SPECC1: variants seen among roughly 807,000 people sequenced by gnomAD.
SPECC1 encodes cytospin-B.
In SPECC1, 62 loss-of-function variants were observed where a neutral mutation model predicts 104.1. The observed-to-expected ratio is 0.60, with a 90% confidence interval of 0.49 to 0.74. SPECC1 has a LOEUF of 0.74. SPECC1 is among the 30% of genes least tolerant of loss of function. SPECC1 has a pLI of 0.00. For missense variants in SPECC1, 1,306 were observed against 1,310.5 expected (o/e 1.00, Z 0.05); for synonymous variants, 513 against 501.6 (o/e 1.02, Z -0.30).
chr17:20,263,314 A>G (rs2040095421), intron 12 of SPECC1, among the ~76,000 whole-genome samples: 1 of 147,390 alleles, frequency 6.8e-6, no homozygotes, highest in Non-Finnish European at 1.5e-5. Context: ...ATGGCAGTTG[A>G]ACAATGTGAA....
intron 1 of SPECC1, among the ~76,000 whole-genome samples, chr17:20,019,860 G>T (rs1261210273): frequency 5.2e-5 from 2 of 38,146 alleles, no homozygotes; most frequent in Non-Finnish European, 1.2e-4. Context: ...TTCATCACTG[G>T]CTTCTTTGTC....
At chr17:20,246,660 G>A (rs576311012) in intron 8 of SPECC1, among the ~76,000 whole-genome samples, 6 of 152,130 alleles carry the variant, frequency 3.9e-5, no homozygotes, top group Admixed American at 2.0e-4. Context: ...AGAAAGATGC[G>A]TAGCTATACT....
intron 3 of SPECC1, among the ~76,000 whole-genome samples, chr17:20,182,574 T>A (rs2034984011): frequency 6.6e-6 from 1 of 152,188 alleles, no homozygotes; most frequent in Non-Finnish European, 1.5e-5. Flanking sequence ...TATATAACAA[T>A]GCAATAATTG....
chr17:20,028,887 C>T (rs1408410666), intron 1 of SPECC1, among the ~76,000 whole-genome samples: 1 of 152,000 alleles, frequency 6.6e-6, no homozygotes, highest in Admixed American at 6.6e-5. Context: ...CTCAGCTTCC[C>T]GAGTAGCTGG....
At chr17:20,260,435 A>G (rs576479096) in intron 12 of SPECC1, 141 bp downstream of exon 12, 2 of 702,074 alleles carry the variant, frequency 2.8e-6, no homozygotes, top group South Asian at 2.4e-5. Context: ...CAGGGCTGCC[A>G]GGGAATGTTT....
At chr17:20,250,692 C>T (rs759512279) in intron 9 of SPECC1, among the ~76,000 whole-genome samples, 3 of 152,204 alleles carry the variant, frequency 2.0e-5, no homozygotes, top group Non-Finnish European at 2.9e-5. Flanking sequence ...TACGTAAATT[C>T]AGAGACTAGG....
chr17:20,088,304 A>G (rs1375372451), intron 1 of SPECC1, among the ~76,000 whole-genome samples: 2 of 152,166 alleles, frequency 1.3e-5, no homozygotes, highest in Admixed American at 1.3e-4. Context: ...ACCATTTTTA[A>G]GTGGACAGTT....
chr17:20,252,945 C>G (rs2039686538), intron 9 of SPECC1, among the ~76,000 whole-genome samples: 1 of 152,104 alleles, frequency 6.6e-6, no homozygotes, highest in African/African-American at 2.4e-5. Context: ...AACCTCCATA[C>G]TGTTCTGCGT....
At chr17:20,281,974 C>T (rs1356208072) in intron 12 of SPECC1, among the ~76,000 whole-genome samples, 1 of 152,232 alleles carries the variant, frequency 6.6e-6, no homozygotes, top group African/African-American at 2.4e-5. Flanking sequence ...CGCGGGGCTT[C>T]GCCTGCGTTC....
Position 20,016,344 on chromosome 17 carries a change from C to T in SPECC1, c.-22+6920C>T, listed in dbSNP as rs148129968. ...TCGCTCGCTCTCGGTGCCTCCTCAG[C>T]CTTAGTGCCCACTCTGGCCGCGCTT... On this transcript the variant is annotated intron_variant, in intron 1 of 14. Transcript: ENST00000395527. Among the ~76,000 whole-genome samples, 991 of 152,340 alleles carry T rather than the reference C, an allele frequency of 6.5e-3. 11 individuals carry two copies. Among genetic ancestry groups the T allele is most frequent in the African/African-American group, 0.023 (943 of 41,588 alleles).
intron 3 of SPECC1, among the ~76,000 whole-genome samples, chr17:20,150,897 A>G (rs1305782980): frequency 6.6e-6 from 1 of 152,186 alleles, no homozygotes; most frequent in Non-Finnish European, 1.5e-5. Context: ...ATTTCTACAC[A>G]TATTAATATG....
chr17:20,307,218 A>G (rs1175159169), intron 14 of SPECC1, among the ~76,000 whole-genome samples: 1 of 152,244 alleles, frequency 6.6e-6, no homozygotes, highest in East Asian at 1.9e-4. Context: ...GCTTCAAGAA[A>G]TGGAAAACCC....
Position 20,110,616 on chromosome 17 carries a change from A to G in SPECC1, c.283+54A>G, listed in dbSNP as rs930262805. The G allele has an allele frequency of 1.4e-5, 22 of 1,544,986 alleles. No individual in the cohort carries two copies. The Admixed American group carries it at 4.3e-4, about 30-fold the overall frequency. ...CAGGCCATCAGTCCTGGCCGCATGG[A>G]AGCACTTCAGTGACCCATGACCCAT... On this transcript the variant is annotated intron_variant, in intron 3 of 14. Coordinates refer to ENST00000395527, the MANE Select transcript of SPECC1 (RefSeq NM_001243439.2).
intron 4 of SPECC1, among the ~76,000 whole-genome samples, chr17:20,214,166 T>G (rs1024499503): frequency 1.3e-5 from 2 of 152,206 alleles, no homozygotes; most frequent in African/African-American, 4.8e-5. Context: ...CCCTCCCACT[T>G]TAGCCTCCCA....
chr17:20,298,921 A>AAGAGAGAGAGAGAGAGAGAGAG lies in SPECC1; in HGVS notation c.3057+1851_3057+1872dup. Among the ~76,000 whole-genome samples, 81 of 72,762 alleles carry AAGAGAGAGAGAGAGAGAGAGAG rather than the reference A, an allele frequency of 1.1e-3. 7 individuals are homozygous for AAGAGAGAGAGAGAGAGAGAGAG. The East Asian group carries it at 0.032, about 29-fold the overall frequency. 47.7% of individuals were successfully genotyped at this position (72,762 alleles called of 152,430 possible). A position where few individuals can be genotyped will look rare whatever the true frequency, so the allele number is the denominator to read the frequency against. On this transcript the variant is annotated intron_variant, in intron 13 of 14. Coordinates refer to ENST00000395527, the MANE Select transcript of SPECC1 (RefSeq NM_001243439.2). Reference sequence around the variant, plus strand: ...GAATTCTCCAAAAAAGCAGAACCAAAAGAGAGAGAGAGAGAGAGAGAGAGA... The same window carrying AAGAGAGAGAGAGAGAGAGAGAG: ...GAATTCTCCAAAAAAGCAGAACCAAAAGAGAGAGAGAGAGAGAGAGAGAGAGAGAGAGAGAGAGAGAGAGAGA...
chr17:20,247,848 G>A (rs750545780), intron 9 of SPECC1, among the ~76,000 whole-genome samples: 21 of 152,186 alleles, frequency 1.4e-4, no homozygotes, highest in Non-Finnish European at 3.1e-4. Flanking sequence ...AGAGATGACT[G>A]TAGTTAAGCA....
At chr17:20,182,119 C>CTTT (rs57991209) in intron 3 of SPECC1, among the ~76,000 whole-genome samples, 4 of 136,576 alleles carry the variant, frequency 2.9e-5, no homozygotes, top group Admixed American at 7.5e-5. Context: ...CTTTCTTTTT[C>CTTT]TTTTTTTTTT....
At chr17:20,078,293 A>G (rs905522660) in intron 1 of SPECC1, among the ~76,000 whole-genome samples, 1 of 151,816 alleles carries the variant, frequency 6.6e-6, no homozygotes, top group African/African-American at 2.4e-5. Flanking sequence ...TGCAGCACAC[A>G]TACCACAAAG....
At chr17:20,071,075 C>G (rs1400727474) in intron 1 of SPECC1, among the ~76,000 whole-genome samples, 2 of 151,998 alleles carry the variant, frequency 1.3e-5, no homozygotes, top group African/African-American at 4.8e-5. Context: ...GGCTGGAGTT[C>G]GGTGGCTATT....
Sources: gnomAD v4.1 joint callset for allele counts (sites outside exome capture counted in the v4.1 genomes callset) on GRCh38, gnomAD v4.1.1 for gene constraint, MANE v1.5 for transcripts, NCBI Gene and HGNC (gene_info 2026-07-23, HGNC 2026-07-21) for gene names.